WDR37: variants seen among roughly 807,000 people sequenced by gnomAD.
The protein encoded by WDR37 is WD repeat domain 37, also known as WD repeat-containing protein 37.
Under a neutral mutation model 62.9 loss-of-function variants are expected in WDR37, and 19 were observed. The ratio of observed to expected loss-of-function variants is 0.30; its 90% CI spans 0.21 to 0.44. The LOEUF is 0.44. WDR37 is among the 20% of genes least tolerant of loss of function. WDR37 has a pLI of 1.00. For synonymous variants in WDR37, 250 were observed against 260.9 expected (o/e 0.96, Z 0.40); for missense variants, 474 against 657.6 (o/e 0.72, Z 3.05).
intron 9 of WDR37, among the ~76,000 whole-genome samples, chr10:1,099,634 C>T (rs1181061055): frequency 6.6e-6 from 1 of 152,270 alleles, no homozygotes; most frequent in African/African-American, 2.4e-5. Context: ...TAGCGCATAA[C>T]ACTGTCCACT....
At chr10:1,094,973 C>T (rs886950270) in intron 8 of WDR37, among the ~76,000 whole-genome samples, 1 of 148,630 alleles carries the variant, frequency 6.7e-6, no homozygotes, top group Non-Finnish European at 1.5e-5. Flanking sequence ...GAGAGTTAGA[C>T]TGAGAAACGT....
intron 1 of WDR37, among the ~76,000 whole-genome samples, chr10:1,069,871 A>G (rs1833676221): frequency 6.6e-6 from 1 of 152,162 alleles, no homozygotes; most frequent in Non-Finnish European, 1.5e-5. Context: ...GGAAATATGG[A>G]CCATCTTTGC....
At chr10:1,113,074 G>A (rs1835264110) in intron 11 of WDR37, among the ~76,000 whole-genome samples, 1 of 74,428 alleles carries the variant, frequency 1.3e-5, no homozygotes, top group South Asian at 4.8e-4. Context: ...GCCTGGCTTC[G>A]AAGGACAGAC....
At chr10:1,083,788 C>T (rs952489868) in intron 5 of WDR37, among the ~76,000 whole-genome samples, 2 of 152,338 alleles carry the variant, frequency 1.3e-5, no homozygotes, top group East Asian at 3.9e-4. Context: ...CAGGGGCCTA[C>T]GGCCGCGCTG....
intron 11 of WDR37, among the ~76,000 whole-genome samples, chr10:1,113,958 T>TC (rs1835301904): frequency 7.1e-6 from 1 of 140,248 alleles, no homozygotes; most frequent in Non-Finnish European, 1.6e-5. Flanking sequence ...GCCTTTTTTT[T>TC]TTTTTTTTTT....
chr10:1,059,751 C>T (rs751633739), intron 1 of WDR37, among the ~76,000 whole-genome samples: 5 of 152,030 alleles, frequency 3.3e-5, no homozygotes, highest in Admixed American at 1.3e-4. Flanking sequence ...GGGTCGAGAT[C>T]GCGCCACTGC....
intron 5 of WDR37, among the ~76,000 whole-genome samples, chr10:1,082,324 C>T (rs1330114732): frequency 2.6e-5 from 4 of 152,102 alleles, no homozygotes; most frequent in East Asian, 1.9e-4. Context: ...GTTACGTGAA[C>T]GCAGAAGAGG....
Position 1,091,696 on chromosome 10 carries a change from C to A in WDR37, c.605-1756C>A, listed in dbSNP as rs780098589. Among the ~76,000 whole-genome samples the A allele has an allele frequency of 2.6e-5, 4 of 152,294 alleles. No individual in the cohort carries two copies. In the Middle Eastern group the frequency reaches 0.014, roughly 518 times the overall value. On this transcript the variant is annotated intron_variant, in intron 7 of 13. Transcript: ENST00000263150. ...ACCCCATCCCAATTCCTGTCGTTTG[C>A]TTTGGGAACATCCCAGGTGGGCAGT...
intron 11 of WDR37, among the ~76,000 whole-genome samples, chr10:1,112,998 AC>A (rs1314369132): frequency 6.6e-6 from 1 of 152,260 alleles, no homozygotes; most frequent in African/African-American, 2.4e-5. Context: ...TTCAGTGTAG[AC>A]AAAACAGCCT....
intron 13 of WDR37, among the ~76,000 whole-genome samples, chr10:1,127,553 G>T (rs1393335606): frequency 6.6e-6 from 1 of 152,218 alleles, no homozygotes; most frequent in Non-Finnish European, 1.5e-5. Context: ...GAGTGAAAGG[G>T]ACTGATTGAA....
chr10:1,081,650 T>A (rs1282077661), intron 5 of WDR37, among the ~76,000 whole-genome samples: 1 of 151,646 alleles, frequency 6.6e-6, no homozygotes, highest in East Asian at 1.9e-4. Context: ...TTTATTTGAT[T>A]TTTTTTTTGG....
chr10:1,117,641 A>C (rs908536584), intron 11 of WDR37, among the ~76,000 whole-genome samples: 7 of 152,224 alleles, frequency 4.6e-5, no homozygotes, highest in Non-Finnish European at 7.3e-5. Flanking sequence ...ACTTCAGGAC[A>C]GACTCCGGAG....
chr10:1,111,367 T>C (rs1243534092), intron 11 of WDR37, among the ~76,000 whole-genome samples: 1 of 152,220 alleles, frequency 6.6e-6, no homozygotes, highest in Non-Finnish European at 1.5e-5. Context: ...TGTGATCCAG[T>C]TTCCAGGAGA....
chr10:1,110,028 C>T (rs1159858059), intron 11 of WDR37, among the ~76,000 whole-genome samples: 1 of 152,202 alleles, frequency 6.6e-6, no homozygotes, highest in Non-Finnish European at 1.5e-5. Context: ...ACCAGACCTG[C>T]CCGGGCCATG....
intron 9 of WDR37, among the ~76,000 whole-genome samples, chr10:1,097,969 A>G (rs1374392656): frequency 6.6e-6 from 1 of 152,068 alleles, no homozygotes; most frequent in Non-Finnish European, 1.5e-5. Context: ...TGTTTTGTTG[A>G]GACTTGGGAC....
At position 1,077,962 on chromosome 10, in the gene WDR37, TAGAA is replaced by T. The variant is rs1231206423; in HGVS notation, c.198_201del (p.Arg67AsnfsTer10). ...ACACTTCTGGAACTGTTTGGTCAAA[TAGAA>T]AGAGAATTTGAAAACCTTTATATCG... is the stretch of plus-strand genomic sequence containing the variant. On this transcript the variant is annotated frameshift_variant, in exon 3 of 14. Transcript: ENST00000263150. LOFTEE classifies it high-confidence loss of function. The T allele has an allele frequency of 5.0e-6, 8 of 1,611,754 alleles. No individual in the cohort carries two copies. Among genetic ancestry groups the T allele is most frequent in the Non-Finnish European group, 5.9e-6 (7 of 1,178,770 alleles).
At chr10:1,059,379 A>G (rs1458608359) in intron 1 of WDR37, among the ~76,000 whole-genome samples, 1 of 152,208 alleles carries the variant, frequency 6.6e-6, no homozygotes, top group Non-Finnish European at 1.5e-5. Flanking sequence ...TCTGTGTCAA[A>G]AAGAAAAGAA....
intron 2 of WDR37, chr10:1,074,594 C>A: frequency 8.5e-7 from 1 of 1,181,380 alleles, no homozygotes; most frequent in Non-Finnish European, 1.1e-6. Flanking sequence ...CTGCCTTCCC[C>A]CTGCCGTGGG....
intron 6 of WDR37, among the ~76,000 whole-genome samples, chr10:1,085,714 C>T (rs1057046402): frequency 2.6e-5 from 4 of 151,980 alleles, no homozygotes; most frequent in African/African-American, 7.3e-5. Flanking sequence ...CATGGATGAG[C>T]GCCTTGGATT....
Sources: allele counts gnomAD v4.1 joint callset (sites outside exome capture counted in the v4.1 genomes callset), GRCh38; gene constraint gnomAD v4.1.1; transcripts MANE v1.5; gene names NCBI Gene and HGNC (gene_info 2026-07-23, HGNC 2026-07-21).